Variants in DCAF16 observed in about 807,000 individuals in gnomAD.
DCAF16 encodes DDB1- and CUL4-associated factor 16.
DCAF16 carries 10 observed loss-of-function variants against 17.3 expected under a neutral mutation model. The observed-to-expected ratio is 0.58, with a 90% CI of 0.36 to 0.98. The LOEUF is 0.98. Among genes scored for constraint, DCAF16 ranks in the 50% least tolerant of loss-of-function variants. The pLI is 0.01. For missense variants in DCAF16, 249 were observed against 247.6 expected, an observed-to-expected ratio of 1.01 and a Z score of -0.04; for synonymous variants, 111 against 92.8, an observed-to-expected ratio of 1.20 and a Z score of -1.12.
chr4:17,799,583 A>T (rs1450195039), downstream of DCAF16, among the ~76,000 whole-genome samples: 7 of 152,232 alleles, frequency 4.6e-5, no homozygotes, highest in Admixed American at 4.6e-4. Context: ...AAGCCAACTT[A>T]CGCATCAGAA....
chr4:17,809,845 G>A (rs375923886), intron 1 of DCAF16, among the ~76,000 whole-genome samples: 1 of 152,190 alleles, frequency 6.6e-6, no homozygotes, highest in Non-Finnish European at 1.5e-5. Context: ...CCACAAAGTT[G>A]TGGAAAGGTG....
At position 17,802,243 on chromosome 4, in the gene DCAF16, C is replaced by T. The variant is rs1719859869; in HGVS notation, c.*1248G>A. 6.6e-6 allele frequency: 1 copy of T among 152,540 alleles called. No individual in the cohort carries two copies. The highest frequency in any genetic ancestry group is 1.5e-5 in the Non-Finnish European group (1 of 68,026). The allele number at this position is 152,540 out of a possible 1,614,324, so 9.4% of individuals were successfully genotyped here. ...GCAGTTAATGCTGAAAGCAGAAATG[C>T]TCTCTTAATCATTTTTCCATTCATC... On this transcript the variant is annotated 3_prime_UTR_variant, in exon 3 of 3. Transcript: ENST00000382247.
At chr4:17,808,796 A>G (rs1720561648) in intron 1 of DCAF16, among the ~76,000 whole-genome samples, 1 of 152,206 alleles carries the variant, frequency 6.6e-6, no homozygotes, top group Non-Finnish European at 1.5e-5. Context: ...TGGGAGGCAA[A>G]GGCGGGTGGA....
chr4:17,809,356 G>A (rs1333800828), intron 1 of DCAF16: 1 of 152,122 alleles, frequency 6.6e-6, no homozygotes, highest in Non-Finnish European at 1.5e-5. Flanking sequence ...ATGAACCACA[G>A]CAATATTGAT....
In DCAF16 at chr4:17,803,500, T is replaced by C. The variant is rs369957268; in HGVS notation, c.642A>G (p.Ala214=). The part of the protein sequence containing the change: ...FQKAVNKLLT[A]SL ...AGCAAATGGTAGATCTTTACAGTGATGCAGTTAGGAGTTTGTTAACTGCCT... is the reference window on the plus strand; with the variant it reads ...AGCAAATGGTAGATCTTTACAGTGACGCAGTTAGGAGTTTGTTAACTGCCT... Residue 214 remains alanine (A), a synonymous_variant, in exon 3 of 3, where the codon GCA becomes GCG. Coordinates refer to ENST00000382247, the MANE Select transcript of DCAF16 (RefSeq NM_017741.4). 5 of 1,613,376 alleles carry C rather than the reference T, an allele frequency of 3.1e-6. No homozygotes were observed. Among genetic ancestry groups the C allele is most frequent in the Non-Finnish European group, 2.5e-6 (3 of 1,179,342 alleles).
At chr4:17,806,129 A>G (rs1460584760) in intron 1 of DCAF16, among the ~76,000 whole-genome samples, 2 of 152,252 alleles carry the variant, frequency 1.3e-5, no homozygotes, top group East Asian at 3.8e-4. Flanking sequence ...CTTACAGATG[A>G]TATCATCCAA....
Position 17,803,623 on chromosome 4 carries a change from A to G in DCAF16, c.519T>C (p.Cys173=). The G allele has an allele frequency of 6.2e-7, 1 of 1,614,242 alleles. No homozygotes were observed. The highest frequency in any genetic ancestry group is 8.5e-7 in the Non-Finnish European group (1 of 1,180,046). Residue 173 remains cysteine (C), a synonymous_variant, in exon 3 of 3, where the codon TGT becomes TGC. Coordinates refer to ENST00000382247, the MANE Select transcript of DCAF16 (RefSeq NM_017741.4). ...GCCAGCCACAGCAACACCCAGAAAC[A>G]CATGAATTAGGGATCTGTTTTAGGT... The part of the protein sequence containing the change: ...PEYLKQIPNS[C]VSGCCCGWLT...
In DCAF16 at chr4:17,803,492, T is replaced by C; in HGVS notation, c.650A>G (p.Ter217=). 1.2e-6 allele frequency: 2 copies of C among 1,612,890 alleles called. No individual in the cohort carries two copies. The highest frequency in any genetic ancestry group is 1.7e-6 in the Non-Finnish European group (2 of 1,179,046). ...GATATCAGAGCAAATGGTAGATCTT[T>C]ACAGTGATGCAGTTAGGAGTTTGTT... The part of the protein sequence containing the change: ...AVNKLLTASL[*] The change falls in exon 3 of 3, where the codon TAA becomes TGA. Residue 217 remains the stop codon, a stop_retained_variant. Coordinates refer to ENST00000382247, the MANE Select transcript of DCAF16 (RefSeq NM_017741.4).
At chr4:17,808,513 T>A (rs1720531764) in intron 1 of DCAF16, among the ~76,000 whole-genome samples, 1 of 152,152 alleles carries the variant, frequency 6.6e-6, no homozygotes, top group African/African-American at 2.4e-5. Context: ...CTATGTTGTT[T>A]AAATTTAATC....
At chr4:17,797,419 C>G (rs1719477898), downstream of DCAF16, among the ~76,000 whole-genome samples, 1 of 152,060 alleles carries the variant, frequency 6.6e-6, no homozygotes, top group South Asian at 2.1e-4. Context: ...AGAAACGTGT[C>G]CCAAGTAGGA....
intron 1 of DCAF16, among the ~76,000 whole-genome samples, chr4:17,807,217 A>T (rs542221542): frequency 9.8e-5 from 15 of 152,338 alleles, no homozygotes; most frequent in Middle Eastern, 6.8e-3. Context: ...AAAGCACCAG[A>T]CCAAAAAATG....
chr4:17,810,670 C>T lies in DCAF16; in HGVS notation c.-973G>A, dbSNP rs1720837429. ...TTTTCTTTCTAGCCTCACGCTCAGC[C>T]GCACGACCCAGCCAGGCCTAACGCC... On this transcript the variant is annotated 5_prime_UTR_variant, in exon 1 of 3. Coordinates refer to ENST00000382247, the MANE Select transcript of DCAF16 (RefSeq NM_017741.4). 1 of 163,130 alleles carries T rather than the reference C, an allele frequency of 6.1e-6. No individual in the cohort carries two copies. The highest frequency in any genetic ancestry group is 2.0e-4 in the South Asian group (1 of 5,046). 10.1% of individuals were successfully genotyped at this position (163,130 alleles called of 1,614,324 possible).
At position 17,803,793 on chromosome 4, in the gene DCAF16, C is replaced by A. The variant is rs1720030837; in HGVS notation, c.349G>T (p.Ala117Ser). The A allele has an allele frequency of 5.0e-6, 8 of 1,614,050 alleles. No individual in the cohort carries two copies. Among genetic ancestry groups the A allele is most frequent in the Non-Finnish European group, 6.8e-6 (8 of 1,179,994 alleles). ...TGAAAAGGTGGGACTCCACAAGAGG[C>A]CAGAGGGGGCCATTCAGGAATTGGT... ...LEPIPEWPPL[A>S]SCGVPPFQKP... is the part of the protein sequence containing the mutation. Residue 117 changes from alanine (A) to serine (S), a missense_variant, in exon 3 of 3, where the codon GCC becomes TCC. Transcript: ENST00000382247.
At chr4:17,796,882 A>C (rs974527015), downstream of DCAF16, among the ~76,000 whole-genome samples, 1 of 152,214 alleles carries the variant, frequency 6.6e-6, no homozygotes, top group Admixed American at 6.5e-5. Context: ...CAACAGTTCT[A>C]AGAAATAAAT....
chr4:17,799,733 G>C (rs751959306), downstream of DCAF16, among the ~76,000 whole-genome samples: 66 of 152,114 alleles, frequency 4.3e-4, no homozygotes, highest in Non-Finnish European at 4.9e-4. Context: ...CCCCTAGAGG[G>C]GACCTATCAT....
downstream of DCAF16, among the ~76,000 whole-genome samples, chr4:17,798,108 ATTG>A (rs987912702): frequency 3.3e-5 from 5 of 152,096 alleles, no homozygotes; most frequent in South Asian, 2.1e-4. Flanking sequence ...CTCCTGAATG[ATTG>A]TTGTTATATA....
At chr4:17,807,478 T>C (rs191130365) in intron 1 of DCAF16, among the ~76,000 whole-genome samples, 1 of 152,338 alleles carries the variant, frequency 6.6e-6, no homozygotes, top group Admixed American at 6.5e-5. Context: ...GCTGGTGGGA[T>C]TGCAGAGTGG....
chr4:17,801,181 T>G lies in DCAF16; in HGVS notation c.*2310A>C, dbSNP rs1435160420. On this transcript the variant is annotated 3_prime_UTR_variant, in exon 3 of 3. Coordinates refer to ENST00000382247, the MANE Select transcript of DCAF16 (RefSeq NM_017741.4). ...TGTCTCACTGTTGCCCAGGCTGGAG[T>G]GCAGTGGCGCGATCTCAGCTCATTG... 6.6e-6 allele frequency: 1 copy of G among 151,814 alleles called. No homozygotes were observed. The highest frequency in any genetic ancestry group is 1.5e-5 in the Non-Finnish European group (1 of 67,986). The allele number at this position is 151,814 out of a possible 1,614,324, so 9.4% of individuals were successfully genotyped here. A position where few individuals can be genotyped will look rare whatever the true frequency, so the allele number is the denominator to read the frequency against.
rs750065130 is a variant in DCAF16, at chr4:17,803,562, G to A, written c.580C>T (p.Pro194Ser). ...KTVKETTRTE[P>S]INTTYSYTDF... ...GTGTAAGAATAAGTAGTGTTGATGG[G>A]TTCAGTACGAGTTGTTTCCTTAACT... Residue 194 changes from proline to serine, a missense_variant, in exon 3 of 3, where the codon CCC (proline) becomes TCC (serine). Physicochemically the swap from Pro to Ser is moderately conservative, Grantham distance 74. Coordinates refer to ENST00000382247, the MANE Select transcript of DCAF16 (RefSeq NM_017741.4). 6.2e-7 allele frequency: 1 copy of A among 1,614,002 alleles called. No individual in the cohort carries two copies. Among genetic ancestry groups the A allele is most frequent in the Non-Finnish European group, 8.5e-7 (1 of 1,180,000 alleles).
Sources: allele counts gnomAD v4.1 joint callset (sites outside exome capture counted in the v4.1 genomes callset), GRCh38; gene constraint gnomAD v4.1.1; transcripts MANE v1.5; gene names NCBI Gene and HGNC (gene_info 2026-07-23, HGNC 2026-07-21).